FSD1: variants seen among roughly 807,000 people sequenced by gnomAD.
FSD1 encodes the protein fibronectin type III and SPRY domain containing 1.
A neutral mutation model predicts 58.2 loss-of-function variants in FSD1; 23 were observed. The ratio of observed to expected loss-of-function variants is 0.40; its 90% CI spans 0.28 to 0.56. The LOEUF (loss-of-function observed/expected upper bound fraction) is 0.56, where lower values mean the gene tolerates loss of function less well. Ranked by LOEUF, FSD1 falls within the 20% of genes least tolerant of loss-of-function variation. FSD1 has a pLI of 0.54. For missense variants in FSD1, 563 were observed against 670.8 expected, an observed-to-expected ratio of 0.84 and a Z score of 1.78; for synonymous variants, 265 against 263.4, an observed-to-expected ratio of 1.01 and a Z score of -0.06.
intron 4 of FSD1, among the ~76,000 whole-genome samples, chr19:4,309,749 A>G (rs925918632): frequency 6.6e-6 from 1 of 151,780 alleles, no homozygotes; most frequent in East Asian, 1.9e-4. Context: ...CTCTGCTAAA[A>G]ATACAAAAAA....
Position 4,311,545 on chromosome 19 carries a change from A to T in FSD1, c.491-297A>T. On this transcript the variant is annotated intron_variant, in intron 6 of 12. Coordinates refer to ENST00000221856, the MANE Select transcript of FSD1 (RefSeq NM_024333.3). ...AAAAATATAAAAAATTAGCCGGGCC[A>T]TGGTGGCTCACGACTGTAATCCCAG... 3 of 332,690 alleles carry T rather than the reference A, an allele frequency of 9.0e-6. No homozygotes were observed. The South Asian group carries it at 9.1e-5, about 10-fold the overall frequency. 20.6% of individuals were successfully genotyped at this position (332,690 alleles called of 1,614,324 possible). A position where few individuals can be genotyped will look rare whatever the true frequency, so the allele number is the denominator to read the frequency against.
chr19:4,304,655 G>A lies in FSD1; in HGVS notation c.-92G>A, dbSNP rs1171648947. 5.2e-6 allele frequency: 4 copies of A among 763,022 alleles called. No individual in the cohort carries two copies. Among genetic ancestry groups the A allele is most frequent in the Non-Finnish European group, 7.1e-6 (4 of 561,716 alleles). 47.3% of individuals were successfully genotyped at this position (763,022 alleles called of 1,614,324 possible). ...GGCGCGGCGGCGGCGAGGGCTCGGC[G>A]GGCCATTGGCTACCGGCCGCGGCAA... On this transcript the variant is annotated 5_prime_UTR_variant, in exon 1 of 13. Coordinates refer to ENST00000221856, the MANE Select transcript of FSD1 (RefSeq NM_024333.3).
chr19:4,318,239 C>G, intron 8 of FSD1, 107 bp from the exon 9 acceptor site: 1 of 1,448,878 alleles, frequency 6.9e-7, no homozygotes, highest in Admixed American at 1.8e-5. Flanking sequence ...CTCTTTGATT[C>G]TCTGTCCCTG....
chr19:4,321,716 G>A (rs1315752359), intron 10 of FSD1, among the ~76,000 whole-genome samples: 2 of 150,526 alleles, frequency 1.3e-5, no homozygotes, highest in Non-Finnish European at 3.0e-5. Flanking sequence ...GGAATAACTG[G>A]AGTCCAAGGA....
intron 7 of FSD1, 75 bp from the exon 8 acceptor site, chr19:4,317,107 C>G: frequency 1.2e-6 from 1 of 852,580 alleles, no homozygotes; most frequent in Non-Finnish European, 2.0e-6. Context: ...CACTGTGGGA[C>G]ATGACAGCTT....
intron 1 of FSD1, among the ~76,000 whole-genome samples, chr19:4,305,236 C>A (rs561732801): frequency 6.6e-6 from 1 of 150,684 alleles, no homozygotes; most frequent in African/African-American, 2.4e-5. Flanking sequence ...CTCCCTGCCC[C>A]CTCCCCGCTT....
chr19:4,317,069 A>C (rs1335701621), intron 7 of FSD1, 113 bp from the exon 8 acceptor site: 7 of 707,992 alleles, frequency 9.9e-6, no homozygotes, highest in Non-Finnish European at 1.8e-5. Context: ...GATGTTTATA[A>C]GGTGGTTCTT....
intron 3 of FSD1, 119 bp downstream of exon 3, chr19:4,306,448 C>G: frequency 1.1e-6 from 1 of 898,940 alleles, no homozygotes; most frequent in Non-Finnish European, 1.7e-6. Flanking sequence ...TCCCCTGACC[C>G]CTCCATCCAC....
chr19:4,306,355 C>T (rs768120911), intron 3 of FSD1, 26 bp downstream of exon 3: 1 of 1,610,898 alleles, frequency 6.2e-7, no homozygotes, highest in Non-Finnish European at 8.5e-7. Context: ...ATCTTCCTCT[C>T]CCCCCGCCCC....
At chr19:4,313,251 G>C (rs1480552722) in intron 7 of FSD1, among the ~76,000 whole-genome samples, 1 of 151,930 alleles carries the variant, frequency 6.6e-6, no homozygotes, top group Non-Finnish European at 1.5e-5. Flanking sequence ...TAAGGTGGGA[G>C]GATTGTTTGA....
intron 6 of FSD1, 57 bp from the exon 7 acceptor site, chr19:4,311,785 C>T (rs536463419): frequency 2.6e-6 from 4 of 1,543,450 alleles, no homozygotes; most frequent in Middle Eastern, 1.9e-4. Flanking sequence ...CAGCAAGCCC[C>T]CTGCCCCCTG....
rs201237226 is a variant in FSD1, at chr19:4,309,257, G to GA, written c.346-1007dup. Among the ~76,000 whole-genome samples, 777 of 149,932 alleles carry GA rather than the reference G, an allele frequency of 5.2e-3. 6 individuals carry two copies. The highest frequency in any genetic ancestry group is 0.018 in the African/African-American group (754 of 40,934). ...AGCCAGACCTTGTCTCAAAAAAAAA[G>GA]AAAAAAAAAGTATTCATTGTTGATC... On this transcript the variant is annotated intron_variant, in intron 4 of 12. Coordinates refer to ENST00000221856, the MANE Select transcript of FSD1 (RefSeq NM_024333.3).
chr19:4,314,842 T>C (rs1032325100), intron 7 of FSD1, among the ~76,000 whole-genome samples: 3 of 152,220 alleles, frequency 2.0e-5, no homozygotes, highest in African/African-American at 7.2e-5. Context: ...TTCTCCCATG[T>C]GTAAATTCAT....
At chr19:4,318,835 G>A in intron 9 of FSD1, 37 bp from the exon 10 acceptor site, 2 of 1,538,958 alleles carry the variant, frequency 1.3e-6, no homozygotes, top group Non-Finnish European at 1.8e-6. Context: ...GTGTTGAACT[G>A]AGCCTCCTGA....
chr19:4,310,208 G>A (rs1012798681), intron 4 of FSD1, 65 bp from the exon 5 acceptor site: 2 of 1,586,280 alleles, frequency 1.3e-6, no homozygotes, highest in Non-Finnish European at 1.7e-6. Flanking sequence ...CTGGGCAACA[G>A]AGCAAGACTC....
chr19:4,323,404 A>G lies in FSD1; in HGVS notation c.1348A>G (p.Arg450Gly), dbSNP rs1407251943. Residue 450 changes from arginine (R) to glycine (G), a missense_variant, in exon 12 of 13, where the codon AGG becomes GGG. Transcript: ENST00000221856. The surrounding 1 kb of genome is among the most constrained non-coding windows in gnomAD (Gnocchi z 7.7). ...TKQVLHTFKT[R>G]FTQPLLPAFT... ...ACAAGTGCTGCACACTTTCAAGACCAGGTTCACACAGCCGCTGCTGCCTGC... is the reference window on the plus strand; with the variant it reads ...ACAAGTGCTGCACACTTTCAAGACCGGGTTCACACAGCCGCTGCTGCCTGC... 6.2e-7 allele frequency: 1 copy of G among 1,613,682 alleles called. No homozygotes were observed. The highest frequency in any genetic ancestry group is 8.5e-7 in the Non-Finnish European group (1 of 1,179,856).
Position 4,323,717 on chromosome 19 carries a change from C to T in FSD1, c.*74C>T, listed in dbSNP as rs1568383440. On this transcript the variant is annotated 3_prime_UTR_variant, in exon 13 of 13. Coordinates refer to ENST00000221856, the MANE Select transcript of FSD1 (RefSeq NM_024333.3). This position sits in a 1 kb window ranked among gnomAD's most constrained non-coding sequence, Gnocchi z 7.7. Reference sequence around the variant, plus strand: ...AAGCCCAGGCTGCTGGAGCCAGGCACCCTCCTCTGTCACTTGCTGCTTGGA... The same window carrying T: ...AAGCCCAGGCTGCTGGAGCCAGGCATCCTCCTCTGTCACTTGCTGCTTGGA... 3.9e-6 allele frequency: 4 copies of T among 1,021,838 alleles called. No homozygotes were observed. Among genetic ancestry groups the T allele is most frequent in the African/African-American group, 1.6e-5 (1 of 62,784 alleles). The allele number at this position is 1,021,838 out of a possible 1,614,324, so 63.3% of individuals were successfully genotyped here. A position where few individuals can be genotyped will look rare whatever the true frequency, so the allele number is the denominator to read the frequency against.
intron 10 of FSD1, among the ~76,000 whole-genome samples, chr19:4,321,170 T>G (rs1179781745): frequency 9.2e-6 from 1 of 109,022 alleles, no homozygotes; most frequent in African/African-American, 3.6e-5. Flanking sequence ...GGGGAATAGC[T>G]GGGACCTGAG....
At chr19:4,307,749 G>T (rs1971638390) in intron 3 of FSD1, 133 bp from the exon 4 acceptor site, 1 of 623,740 alleles carries the variant, frequency 1.6e-6, no homozygotes, top group African/African-American at 1.9e-5. Flanking sequence ...GGCGCTCAAG[G>T]CTCCAATCTC....
Sources: allele counts gnomAD v4.1 joint callset (sites outside exome capture counted in the v4.1 genomes callset), GRCh38; gene constraint gnomAD v4.1.1; non-coding constraint Gnocchi (gnomAD v3.1); transcripts MANE v1.5; gene names NCBI Gene and HGNC (gene_info 2026-07-23, HGNC 2026-07-21).